The following ABCC10 variants were observed in gnomAD, a reference collection of about 807,000 sequenced individuals.
ABCC10 encodes ATP-binding cassette sub-family C member 10.
A neutral mutation model predicts 143.2 loss-of-function variants in ABCC10; 110 were observed. The observed-to-expected ratio is 0.77, with a 90% CI of 0.66 to 0.90. The LOEUF is 0.90. Ranked by LOEUF, ABCC10 falls within the 40% of genes least tolerant of loss-of-function variation. The pLI, the probability that ABCC10 is intolerant of heterozygous loss-of-function variation, is 0.00. For synonymous variants in ABCC10, 805 were observed against 846.7 expected (o/e 0.95, Z 0.85); for missense variants, 1,700 against 1,900.5 (o/e 0.89, Z 1.96).
chr6:43,429,409 T>TGTGTGTGG (rs1562163670), intron 2 of ABCC10, among the ~76,000 whole-genome samples: 1 of 27,420 alleles, frequency 3.6e-5, no homozygotes, highest in Admixed American at 2.9e-4. Flanking sequence ...TGTGTGTGTG[T>TGTGTGTGG]GGCGGGGGGG....
Position 43,432,500 on chromosome 6 carries a change from T to G in ABCC10, c.520T>G (p.Leu174Val), listed in dbSNP as rs932650028. Reference sequence around the variant, plus strand: ...CCCAGGGCCCATGGCCCGCCTATGCTTGCTCATCCTGCAGCTGGCTGCACT... The same window carrying G: ...CCCAGGGCCCATGGCCCGCCTATGCGTGCTCATCCTGCAGCTGGCTGCACT... ...LLPGPMARLC[L>V]LILQLAALLA... Residue 174 changes from leucine to valine, a missense_variant, in exon 3 of 22, where the codon TTG becomes GTG. By Grantham distance (32) the Leu-to-Val change is conservative. Coordinates refer to ENST00000372530, the MANE Select transcript of ABCC10 (RefSeq NM_001198934.2). The G allele has an allele frequency of 1.2e-6, 2 of 1,612,038 alleles. No homozygotes were observed. Among genetic ancestry groups the G allele is most frequent in the African/African-American group, 1.3e-5 (1 of 74,942 alleles).
chr6:43,451,490 C>G (rs951906835), downstream of ABCC10, among the ~76,000 whole-genome samples: 2 of 152,170 alleles, frequency 1.3e-5, no homozygotes, highest in African/African-American at 4.8e-5. This position sits in a 1 kb window ranked among gnomAD's most constrained non-coding sequence, Gnocchi z 4.4. Flanking sequence ...AGCACAGGGC[C>G]CAGCCAGAAG....
rs555034468 is a variant in ABCC10, at chr6:43,433,022, G to A, written c.1042G>A (p.Val348Ile). The A allele has an allele frequency of 4.3e-5, 70 of 1,614,142 alleles. No individual in the cohort carries two copies. The East Asian group carries it at 1.5e-3, about 34-fold the overall frequency. Residue 348 changes from valine to isoleucine, a missense_variant, in exon 3 of 22, where the codon GTA (valine) becomes ATA (isoleucine). Transcript: ENST00000372530. ...AVLQNQYGYE[V>I]YKVTLQARGA... ...GCTGCAGAATCAGTATGGGTATGAG[G>A]TATATAAGGTAACACTTCAGGCACG...
At position 43,449,436 on chromosome 6, in the gene ABCC10, T is replaced by C. The variant is rs768359399; in HGVS notation, c.4218T>C (p.Asp1406=). 1.4e-5 allele frequency: 22 copies of C among 1,613,048 alleles called. No individual in the cohort carries two copies. The South Asian group carries it at 2.4e-4, about 18-fold the overall frequency. ...CCATATTCCAGATCCTGTGTATCGA[T>C]GAGGCCACAGCAAGTGTGGACCAGA... ...LLTDAKILCI[D]EATASVDQKT... The change falls in exon 21 of 22, where the codon GAT becomes GAC. Residue 1406 remains aspartate (D), a synonymous_variant. Coordinates refer to ENST00000372530, the MANE Select transcript of ABCC10 (RefSeq NM_001198934.2).
chr6:43,431,642 G>A (rs761695352), intron 2 of ABCC10: 13 of 259,728 alleles, frequency 5.0e-5, no homozygotes, highest in Non-Finnish European at 6.6e-5. Flanking sequence ...GATTACAGGC[G>A]TGAGCCACGG....
chr6:43,450,811 C>G, downstream of ABCC10: 1 of 1,614,240 alleles, frequency 6.2e-7, no homozygotes, highest in African/African-American at 1.3e-5. The surrounding 1 kb of genome is among the most constrained non-coding windows in gnomAD (Gnocchi z 4.5). Context: ...CTCCGCACCA[C>G]CTCCTTCACT....
chr6:43,449,497 C>T lies in ABCC10; in HGVS notation c.4279C>T (p.Arg1427Cys), dbSNP rs375273058. ...DQLLQQTICK[R>C]FANKTVLTIA... ...GCTGCTCCAGCAGACCATCTGCAAACGCTTTGCCAACAAGACAGTGCTGAC... is the reference window on the plus strand; with the variant it reads ...GCTGCTCCAGCAGACCATCTGCAAATGCTTTGCCAACAAGACAGTGCTGAC... The change falls in exon 21 of 22, where the codon CGC becomes TGC. Residue 1427 changes from arginine (R) to cysteine (C), a missense_variant. Arg to Cys is a radical substitution (Grantham distance 180). Coordinates refer to ENST00000372530, the MANE Select transcript of ABCC10 (RefSeq NM_001198934.2). 18 of 1,613,922 alleles carry T rather than the reference C, an allele frequency of 1.1e-5. No individual in the cohort carries two copies. Among genetic ancestry groups the T allele is most frequent in the African/African-American group, 6.7e-5 (5 of 74,902 alleles).
chr6:43,448,910 C>T lies in ABCC10; in HGVS notation c.3989C>T (p.Pro1330Leu). The T allele has an allele frequency of 6.2e-7, 1 of 1,614,072 alleles. No homozygotes were observed. Among genetic ancestry groups the T allele is most frequent in the South Asian group, 1.1e-5 (1 of 91,062 alleles). ...RSQLAIIPQEPFLFSGTVREN... is the reference protein window; with the variant it reads ...RSQLAIIPQELFLFSGTVREN... ...CAGTTGGCTATCATCCCCCAGGAGC[C>T]CTTTTTGTTCAGTGGGACTGTTCGG... The change falls in exon 19 of 22, where the codon CCC becomes CTC. Residue 1330 changes from proline (P) to leucine (L), a missense_variant. Pro to Leu is a moderately conservative substitution (Grantham distance 98). Transcript: ENST00000372530.
intron 8 of ABCC10, among the ~76,000 whole-genome samples, chr6:43,440,203 C>T (rs1022703747): frequency 8.6e-5 from 13 of 152,006 alleles, no homozygotes; most frequent in African/African-American, 4.8e-5. Flanking sequence ...GTGATCCGCC[C>T]GCCTTGGCCT....
In ABCC10 at chr6:43,427,655, C is replaced by T. The variant is rs1316775390; in HGVS notation, c.-114C>T. ...AGTACTTTTTTTTTTTTTGCATACA[C>T]CAGTTCTCAGGATATCGGAATCCGG... On this transcript the variant is annotated 5_prime_UTR_variant, in exon 1 of 22. Coordinates refer to ENST00000372530, the MANE Select transcript of ABCC10 (RefSeq NM_001198934.2). The T allele has an allele frequency of 1.1e-5, 5 of 437,232 alleles. No individual in the cohort carries two copies. The Admixed American group carries it at 1.9e-4, about 16-fold the overall frequency. 27.1% of individuals were successfully genotyped at this position (437,232 alleles called of 1,614,324 possible).
Position 43,443,141 on chromosome 6 carries a change from G to A in ABCC10, c.2398G>A (p.Gly800Arg), listed in dbSNP as rs777502593. The A allele has an allele frequency of 4.2e-5, 67 of 1,602,484 alleles. No individual in the cohort carries two copies. Among genetic ancestry groups the A allele is most frequent in the Middle Eastern group, 1.8e-4 (1 of 5,630 alleles). ...RADAVLLMEA[G>R]RLIRAGPPSE... ...TGACGCGGTGCTGCTGATGGAGGCC[G>A]GGCGCCTCATCCGGGCTGGTAATGG... The change falls in exon 10 of 22, where the codon GGG becomes AGG. Residue 800 changes from glycine (G) to arginine (R), a missense_variant. Gly to Arg is a moderately radical substitution (Grantham distance 125, BLOSUM62 -2). Coordinates refer to ENST00000372530, the MANE Select transcript of ABCC10 (RefSeq NM_001198934.2). This position sits in a 1 kb window ranked among gnomAD's most constrained non-coding sequence, Gnocchi z 4.2.
chr6:43,447,971 G>A, intron 18 of ABCC10, 34 bp downstream of exon 18: 1 of 1,606,888 alleles, frequency 6.2e-7, no homozygotes, highest in Admixed American at 1.7e-5. Flanking sequence ...GGGGAAGGGG[G>A]AACCAGAACT....
At position 43,433,234 on chromosome 6, in the gene ABCC10, G is replaced by A. The variant is rs1263356091; in HGVS notation, c.1254G>A (p.Gln418=). Residue 418 remains glutamine (Q), a synonymous_variant, in exon 3 of 22, where the codon CAG becomes CAA. Transcript: ENST00000372530. ...TCACCCTCTACCTGCTGTACCAGCAGGTAGGCGTGGCCTTCGTGGGTGGTC... is the reference window on the plus strand; with the variant it reads ...TCACCCTCTACCTGCTGTACCAGCAAGTAGGCGTGGCCTTCGTGGGTGGTC... ...LAITLYLLYQ[Q]VGVAFVGGLI... 1 of 1,614,094 alleles carries A rather than the reference G, an allele frequency of 6.2e-7. No individual in the cohort carries two copies. Among genetic ancestry groups the A allele is most frequent in the Non-Finnish European group, 8.5e-7 (1 of 1,180,024 alleles).
intron 3 of ABCC10, 83 bp downstream of exon 3, chr6:43,433,443 A>C: frequency 6.8e-7 from 1 of 1,461,882 alleles, no homozygotes. Context: ...ACACTACCTG[A>C]GGGAGTGAGA....
rs748423333 is a variant in ABCC10 at position 43,445,303 on chromosome 6, C to T, written c.3019C>T (p.Arg1007Ter). 4.3e-6 allele frequency: 7 copies of T among 1,613,482 alleles called. No individual in the cohort carries two copies. Among genetic ancestry groups the T allele is most frequent in the Non-Finnish European group, 5.9e-6 (7 of 1,179,730 alleles). Residue 1007 changes from arginine (R) to a stop codon, truncating the protein, a stop_gained, in exon 14 of 22, where the codon CGA (arginine) becomes TGA (stop). Transcript: ENST00000372530. LOFTEE classifies it high-confidence loss of function. ...AATLHRRLLH[R>*]VLMAPVTFFN... ...CACTCTGCATCGCCGCCTGCTGCATCGAGTCCTTATGGTGAGGGGCTGGGA... is the reference window on the plus strand; with the variant it reads ...CACTCTGCATCGCCGCCTGCTGCATTGAGTCCTTATGGTGAGGGGCTGGGA...
intron 2 of ABCC10, among the ~76,000 whole-genome samples, chr6:43,430,107 TTGAGACAGGGTC>T (rs1780967189): frequency 6.6e-6 from 1 of 151,526 alleles, no homozygotes; most frequent in Non-Finnish European, 1.5e-5. Flanking sequence ...TTTTTTTTCT[TTGAGACAGGGTC>T]TTACTCTGTC....
At chr6:43,436,054 G>C (rs864392) in intron 5 of ABCC10, 84 bp from the exon 6 acceptor site, 32,098 of 1,606,974 alleles carry the variant, frequency 0.02, 1,238 homozygotes, top group African/African-American at 0.16. Context: ...TAGATATGGG[G>C]CTGGCAAGTG....
At chr6:43,438,160 A>G in intron 7 of ABCC10, 147 bp downstream of exon 7, 1 of 1,018,532 alleles carries the variant, frequency 9.8e-7, no homozygotes, top group Non-Finnish European at 1.4e-6. Context: ...CAATCTGGAA[A>G]GAAGGAGGTG....
At chr6:43,428,816 GTC>G (rs953624396) in intron 2 of ABCC10, among the ~76,000 whole-genome samples, 9 of 152,156 alleles carry the variant, frequency 5.9e-5, no homozygotes, top group African/African-American at 2.2e-4. Flanking sequence ...GGGGGGAAGT[GTC>G]TCTATCCAAG....
Sources: gnomAD v4.1 joint callset for allele counts (sites outside exome capture counted in the v4.1 genomes callset) on GRCh38, gnomAD v4.1.1 for gene constraint, Gnocchi (gnomAD v3.1) non-coding constraint, MANE v1.5 for transcripts, NCBI Gene and HGNC (gene_info 2026-07-23, HGNC 2026-07-21) for gene names.